The following NEK1 variants were observed in gnomAD, a reference collection of about 807,000 sequenced individuals.
NEK1 encodes the protein serine/threonine-protein kinase Nek1.
Under a neutral mutation model 182.1 loss-of-function variants are expected in NEK1, and 137 were observed. That is an observed-to-expected ratio of 0.75 (90% CI 0.65 to 0.87). The LOEUF (loss-of-function observed/expected upper bound fraction) is 0.87. Ranked by LOEUF, NEK1 falls within the 40% of genes least tolerant of loss-of-function variation. The pLI, the probability that NEK1 is intolerant of heterozygous loss-of-function variation, is 0.00. For missense variants in NEK1, 1,391 were observed against 1,494.4 expected, an observed-to-expected ratio of 0.93 and a Z score of 1.14; for synonymous variants, 513 against 492.2, an observed-to-expected ratio of 1.04 and a Z score of -0.56.
intron 27 of NEK1, among the ~76,000 whole-genome samples, chr4:169,454,465 G>C (rs1233583888): frequency 2.0e-5 from 3 of 152,016 alleles, no homozygotes; most frequent in Non-Finnish European, 4.4e-5. Context: ...AATCTACAAA[G>C]AACTTAAGCA....
At chr4:169,399,550 C>A (rs1477563455) in intron 35 of NEK1, among the ~76,000 whole-genome samples, 3 of 149,580 alleles carry the variant, frequency 2.0e-5, no homozygotes, top group Non-Finnish European at 1.5e-5. Context: ...GCACTCCAGC[C>A]TGGGCAATAA....
intron 28 of NEK1, among the ~76,000 whole-genome samples, chr4:169,437,094 T>C (rs1482498132): frequency 6.6e-6 from 1 of 152,206 alleles, no homozygotes; most frequent in Admixed American, 6.5e-5. Context: ...ACAATGCTAT[T>C]CCTGGTTGGA....
rs796256098 is a variant in NEK1, at chr4:169,521,367, C to T, written c.1666-12515G>A. Among the ~76,000 whole-genome samples the T allele has an allele frequency of 7.1e-3, 958 of 135,678 alleles. 10 individuals carry two copies. The highest frequency in any genetic ancestry group is 0.025 in the African/African-American group (894 of 35,606). The allele number at this position is 135,678 out of a possible 152,430, so 89.0% of individuals were successfully genotyped here. A position where few individuals can be genotyped will look rare whatever the true frequency, so the allele number is the denominator to read the frequency against. On this transcript the variant is annotated intron_variant, in intron 19 of 35. Coordinates refer to ENST00000507142, the MANE Select transcript of NEK1 (RefSeq NM_001199397.3). ...GCAATGCTCGCCCTGCTTCGGCTCG[C>T]GCACGGTGCGCACACACACTGGCCT...
At chr4:169,558,816 T>C (rs953305047) in intron 16 of NEK1, among the ~76,000 whole-genome samples, 14 of 152,306 alleles carry the variant, frequency 9.2e-5, no homozygotes, top group Admixed American at 8.5e-4. Flanking sequence ...ATTTATACTA[T>C]GAATAAAAAT....
rs140337224 is a variant in NEK1, at chr4:169,472,633, A to G, written c.2434+4491T>C. On this transcript the variant is annotated intron_variant, in intron 26 of 35. Transcript: ENST00000507142. ...CTTGTATCTTTCTACCTTTGCCTCCATGCATCCTTTCACAATGGCAATGGT... is the reference window on the plus strand; with the variant it reads ...CTTGTATCTTTCTACCTTTGCCTCCGTGCATCCTTTCACAATGGCAATGGT... Among the ~76,000 whole-genome samples the G allele has an allele frequency of 8.0e-3, 1,213 of 152,258 alleles. 20 individuals are homozygous for G. Among genetic ancestry groups the G allele is most frequent in the African/African-American group, 0.028 (1,163 of 41,544 alleles).
At chr4:169,451,607 T>C (rs1741792914) in intron 27 of NEK1, among the ~76,000 whole-genome samples, 1 of 152,130 alleles carries the variant, frequency 6.6e-6, no homozygotes, top group South Asian at 2.1e-4. Flanking sequence ...AGACACAACA[T>C]ACCAGAATCC....
At chr4:169,552,268 A>C (rs1158128032) in intron 18 of NEK1, among the ~76,000 whole-genome samples, 1 of 152,076 alleles carries the variant, frequency 6.6e-6, no homozygotes, top group Non-Finnish European at 1.5e-5. Context: ...AAATATAATA[A>C]AATACAGCTG....
At chr4:169,561,434 T>A in intron 16 of NEK1, 46 bp downstream of exon 16, 1 of 1,519,082 alleles carries the variant, frequency 6.6e-7, no homozygotes, top group Non-Finnish European at 9.1e-7. Flanking sequence ...AAGGTGGAAC[T>A]GGAGGGGAAA....
chr4:169,425,815 G>A (rs1736290211), intron 30 of NEK1, among the ~76,000 whole-genome samples: 1 of 152,134 alleles, frequency 6.6e-6, no homozygotes, highest in African/African-American at 2.4e-5. Flanking sequence ...ATTACACCCA[G>A]CCTACCTTTC....
At chr4:169,532,718 T>C (rs1273851540) in intron 19 of NEK1, among the ~76,000 whole-genome samples, 3 of 151,490 alleles carry the variant, frequency 2.0e-5, no homozygotes, top group East Asian at 1.9e-4. Context: ...GGAGGGTGGA[T>C]TGCTTGAGTC....
At chr4:169,534,427 G>A (rs1758141128) in intron 19 of NEK1, among the ~76,000 whole-genome samples, 1 of 152,146 alleles carries the variant, frequency 6.6e-6, no homozygotes, top group African/African-American at 2.4e-5. Flanking sequence ...GAAAATTGAA[G>A]AACACTCAAA....
chr4:169,585,246 A>G, intron 10 of NEK1, 103 bp downstream of exon 10: 4 of 744,974 alleles, frequency 5.4e-6, no homozygotes, highest in Non-Finnish European at 8.7e-6. Flanking sequence ...AAAAAGGCAC[A>G]CCATTCCTCC....
intron 27 of NEK1, among the ~76,000 whole-genome samples, chr4:169,440,032 G>A (rs976535968): frequency 2.0e-5 from 3 of 151,558 alleles, no homozygotes; most frequent in Admixed American, 6.6e-5. Context: ...ATTTTTAGTA[G>A]AGACAGCATT....
rs762040322 is a variant in NEK1 at position 169,394,533 on chromosome 4, A to C, written c.3848-10T>G. 1.4e-6 allele frequency: 2 copies of C among 1,388,726 alleles called. No individual in the cohort carries two copies. Among genetic ancestry groups the C allele is most frequent in the East Asian group, 4.9e-5 (2 of 41,144 alleles). 86.0% of individuals were successfully genotyped at this position (1,388,726 alleles called of 1,614,324 possible). ...GATTATTCATCATTATCTGTAGAAAAAAGAAAAAAATTGACTTCATTTCAA... is the reference window on the plus strand; with the variant it reads ...GATTATTCATCATTATCTGTAGAAACAAGAAAAAAATTGACTTCATTTCAA... On this transcript the variant is annotated splice_polypyrimidine_tract_variant and intron_variant, in intron 35 of 35. Coordinates refer to ENST00000507142, the MANE Select transcript of NEK1 (RefSeq NM_001199397.3).
chr4:169,443,224 G>A (rs1739857702), intron 27 of NEK1, among the ~76,000 whole-genome samples: 1 of 151,986 alleles, frequency 6.6e-6, no homozygotes, highest in Admixed American at 6.6e-5. Flanking sequence ...GCTGAGATGG[G>A]AGGATCCCTT....
At chr4:169,526,068 C>T (rs1025188148) in intron 19 of NEK1, among the ~76,000 whole-genome samples, 8 of 152,316 alleles carry the variant, frequency 5.3e-5, no homozygotes, top group Middle Eastern at 3.4e-3. Flanking sequence ...CCCTCTGACA[C>T]ACACATACAC....
At chr4:169,463,211 C>G (rs1206384567) in intron 27 of NEK1, 32 bp downstream of exon 27, 23 of 1,240,408 alleles carry the variant, frequency 1.9e-5, no homozygotes, top group Non-Finnish European at 2.5e-5. Flanking sequence ...AATATTACTT[C>G]TAGTATAGAA....
At chr4:169,411,286 A>AT (rs869305455) in intron 31 of NEK1, among the ~76,000 whole-genome samples, 15,482 of 138,252 alleles carry the variant, frequency 0.11, 912 homozygotes, top group African/African-American at 0.16. Flanking sequence ...ATCTGACTCT[A>AT]TTTTTTTTTT....
At chr4:169,585,075 G>A (rs1767309735) in intron 10 of NEK1, among the ~76,000 whole-genome samples, 1 of 152,068 alleles carries the variant, frequency 6.6e-6, no homozygotes, top group Admixed American at 6.5e-5. Context: ...TGTAGTCTCA[G>A]CTACTCAGGA....
Sources: allele counts gnomAD v4.1 joint callset (sites outside exome capture counted in the v4.1 genomes callset), GRCh38; gene constraint gnomAD v4.1.1; transcripts MANE v1.5; gene names NCBI Gene and HGNC (gene_info 2026-07-23, HGNC 2026-07-21).